CFAP161: variants seen among roughly 807,000 people sequenced by gnomAD.
CFAP161 encodes cilia and flagella associated protein 161, also known as cilia- and flagella-associated protein 161.
CFAP161 carries 25 observed loss-of-function variants against 29.0 expected under a neutral mutation model. The observed-to-expected ratio is 0.86, with a 90% confidence interval of 0.63 to 1.20. The LOEUF is 1.20. Ranked by LOEUF, CFAP161 falls within the 50% of genes most tolerant of loss-of-function variation. The pLI is 0.00. For missense variants in CFAP161, 367 were observed against 371.9 expected (o/e 0.99, Z 0.11); for synonymous variants, 116 against 137.4 (o/e 0.84, Z 1.09).
In CFAP161 at chr15:81,136,083, C is replaced by A. The variant is rs188715121; in HGVS notation, c.160-433C>A. On this transcript the variant is annotated intron_variant, in intron 2 of 6. Transcript: ENST00000286732. The stretch of plus-strand genomic sequence containing the variant: ...AGAAAAAAATTTCATAACTGAGTTA[C>A]CATTTGGAAAATAACAGTTTTTAAA... Among the ~76,000 whole-genome samples, 4 of 152,264 alleles carry A rather than the reference C, an allele frequency of 2.6e-5. No individual in the cohort carries two copies. In the East Asian group the frequency reaches 7.7e-4, roughly 29 times the overall value.
At chr15:81,101,557 G>A (rs963054433) in intron 1 of CFAP161, among the ~76,000 whole-genome samples, 5 of 134,364 alleles carry the variant, frequency 3.7e-5, no homozygotes, top group Non-Finnish European at 5.0e-5. Context: ...AAAAAAGATG[G>A]TGGTGGTGGT....
intron 1 of CFAP161, chr15:81,117,543 C>T (rs1894514322): frequency 1.5e-5 from 2 of 135,472 alleles, no homozygotes; most frequent in South Asian, 2.4e-4. Context: ...ATCACAGCTA[C>T]TTTTTTTTTT....
intron 3 of CFAP161, 119 bp downstream of exon 3, chr15:81,136,867 G>A: frequency 1.3e-6 from 1 of 795,880 alleles, no homozygotes; most frequent in Non-Finnish European, 2.0e-6. Context: ...CATTTTTCGT[G>A]ATTTTCATCT....
At chr15:81,131,446 A>T (rs552853929), upstream of CFAP161, among the ~76,000 whole-genome samples, 6 of 152,314 alleles carry the variant, frequency 3.9e-5, no homozygotes, top group African/African-American at 1.4e-4. Flanking sequence ...AGGTATGATG[A>T]TAGTGTTTCA....
At chr15:81,101,384 G>T (rs1894301328) in intron 1 of CFAP161, among the ~76,000 whole-genome samples, 1 of 151,774 alleles carries the variant, frequency 6.6e-6, no homozygotes, top group African/African-American at 2.4e-5. Flanking sequence ...AAAATTAGCT[G>T]GGTGTGGTGG....
At chr15:81,104,310 C>T (rs1430095375) in intron 1 of CFAP161, among the ~76,000 whole-genome samples, 2 of 152,204 alleles carry the variant, frequency 1.3e-5, no homozygotes, top group Non-Finnish European at 2.9e-5. Flanking sequence ...CAGTTTTCGC[C>T]TTCAATTTTC....
intron 1 of CFAP161, among the ~76,000 whole-genome samples, chr15:81,105,146 T>TCC (rs1894350441): frequency 1.5e-4 from 2 of 13,636 alleles, no homozygotes; most frequent in Non-Finnish European, 3.4e-4. Context: ...CTCCCCTCCC[T>TCC]CCCTCCCTCC....
chr15:81,100,000 A>G (rs1894284042), intron 1 of CFAP161, among the ~76,000 whole-genome samples: 1 of 152,024 alleles, frequency 6.6e-6, no homozygotes, highest in African/African-American at 2.4e-5. Context: ...TCATAGATGC[A>G]TGAGTATTAA....
chr15:81,141,208 A>G (rs1207258349), intron 4 of CFAP161, among the ~76,000 whole-genome samples: 2 of 152,194 alleles, frequency 1.3e-5, no homozygotes, highest in South Asian at 2.1e-4. Flanking sequence ...AAAATTTTCT[A>G]TCACCCAGTA....
intron 1 of CFAP161, among the ~76,000 whole-genome samples, chr15:81,104,960 T>C (rs1894343636): frequency 6.6e-6 from 1 of 151,910 alleles, no homozygotes. Context: ...ACCAAGATTT[T>C]GGCAGGGTTG....
intron 4 of CFAP161, among the ~76,000 whole-genome samples, chr15:81,138,937 T>C (rs1278562851): frequency 6.6e-6 from 1 of 152,232 alleles, no homozygotes; most frequent in Non-Finnish European, 1.5e-5. Flanking sequence ...ACATTTTTTA[T>C]TGAATTAAAA....
In CFAP161 at chr15:81,112,255, A is replaced by G. The variant is rs142497428; in HGVS notation, c.-141-15335A>G. On this transcript the variant is annotated intron_variant, in intron 1 of 4. Coordinates refer to the CFAP161 transcript ENST00000560091. ...CATTTGTCATCCAACAAGAACTTTT[A>G]AACTTTCCGAACTATGGAAAGTAAG... 2.8e-3 allele frequency among the ~76,000 whole-genome samples: 423 copies of G among 151,960 alleles called. 4 individuals are homozygous for G. Among genetic ancestry groups the G allele is most frequent in the African/African-American group, 9.8e-3 (407 of 41,390 alleles).
chr15:81,146,831 AATATATATATATATATATATATAT>A (rs3086710), intron 5 of CFAP161, among the ~76,000 whole-genome samples: 10,836 of 70,608 alleles, frequency 0.15, 952 homozygotes, highest in South Asian at 0.28. Context: ...GATAGCTACA[AATATATATATATATATATATATAT>A]ATATATATAT....
chr15:81,103,907 G>C (rs529378694), intron 1 of CFAP161, among the ~76,000 whole-genome samples: 65 of 152,284 alleles, frequency 4.3e-4, no homozygotes, highest in African/African-American at 1.5e-3. Context: ...TCCGCTGCTT[G>C]GTGAATGGGG....
chr15:81,109,330 T>C (rs964841958), intron 1 of CFAP161, among the ~76,000 whole-genome samples: 6 of 152,212 alleles, frequency 3.9e-5, no homozygotes, highest in African/African-American at 1.4e-4. Context: ...AAAGCCATAT[T>C]TCATCTCCTG....
At chr15:81,132,269 T>G (rs976565155), upstream of CFAP161, among the ~76,000 whole-genome samples, 7 of 152,108 alleles carry the variant, frequency 4.6e-5, no homozygotes, top group Admixed American at 1.3e-4. Flanking sequence ...AGAGTGAGAC[T>G]CTGTCTTGGA....
intron 1 of CFAP161, among the ~76,000 whole-genome samples, chr15:81,121,901 G>A (rs904574477): frequency 1.1e-4 from 17 of 152,064 alleles, no homozygotes; most frequent in African/African-American, 4.1e-4. Flanking sequence ...ACTGTGTATT[G>A]TTCCCTTCTA....
At position 81,141,904 on chromosome 15, in the gene CFAP161, G is replaced by A. The variant is rs911526305; in HGVS notation, c.478-1758G>A. ...TTCACCATGTTGGCCAGACTCTCTC[G>A]AACTCCTGACCTCAAGTGATCCTCC... On this transcript the variant is annotated intron_variant, in intron 4 of 6. Coordinates refer to ENST00000286732, the MANE Select transcript of CFAP161 (RefSeq NM_173528.4). 3.3e-5 allele frequency among the ~76,000 whole-genome samples: 5 copies of A among 152,088 alleles called. No homozygotes were observed. In the East Asian group the frequency reaches 5.8e-4, roughly 18 times the overall value.
chr15:81,111,956 A>G (rs1288392051), intron 1 of CFAP161, among the ~76,000 whole-genome samples: 1 of 152,244 alleles, frequency 6.6e-6, no homozygotes, highest in African/African-American at 2.4e-5. Flanking sequence ...AGTGCAGGCC[A>G]TTAATTCAAG....
Sources: gnomAD v4.1 joint callset for allele counts (sites outside exome capture counted in the v4.1 genomes callset) on GRCh38, gnomAD v4.1.1 for gene constraint, MANE v1.5 for transcripts, NCBI Gene and HGNC (gene_info 2026-07-23, HGNC 2026-07-21) for gene names.